Variants in NSMAF observed in about 807,000 individuals in gnomAD.
NSMAF encodes the protein neutral sphingomyelinase activation associated factor, also known as protein FAN.
In NSMAF, 90 loss-of-function variants were observed where a neutral mutation model predicts 134.9. The observed-to-expected ratio is 0.67, with a 90% CI of 0.56 to 0.79. NSMAF has a LOEUF of 0.79. Among genes scored for constraint, NSMAF ranks in the 30% least tolerant of loss-of-function variants. The pLI is 0.00. For synonymous variants in NSMAF, 358 were observed against 389.6 expected (o/e 0.92, Z 0.96); for missense variants, 1,010 against 1,119.0 (o/e 0.90, Z 1.39).
At chr8:58,654,305 G>A (rs1164484378) in intron 1 of NSMAF, among the ~76,000 whole-genome samples, 1 of 152,148 alleles carries the variant, frequency 6.6e-6, no homozygotes. Context: ...TTGAGTAAAA[G>A]AAAGTTGGGC....
rs138534625 is a variant in NSMAF, at chr8:58,620,486, A to T, written c.557+2734T>A. Among the ~76,000 whole-genome samples, 450 of 152,314 alleles carry T rather than the reference A, an allele frequency of 3.0e-3. 1 individual carries two copies. Among genetic ancestry groups the T allele is most frequent in the African/African-American group, 0.01 (435 of 41,554 alleles). On this transcript the variant is annotated intron_variant, in intron 9 of 30. Coordinates refer to ENST00000038176, the MANE Select transcript of NSMAF (RefSeq NM_003580.4). ...GGTGTTTAGGCTTTATCCTGAAGGC[A>T]CTGGGGATGGGGGCGTCTTGAAAAT...
In NSMAF at chr8:58,623,218, A is replaced by G; in HGVS notation, c.557+2T>C. On this transcript the variant is annotated splice_donor_variant, in intron 9 of 30. Transcript: ENST00000038176. LOFTEE classifies it high-confidence loss of function. The stretch of plus-strand genomic sequence containing the variant: ...AATTAGGAAAGATCATTAGAAACTT[A>G]CCTGTTTTTGTCAAATGATGTTCTA... The G allele has an allele frequency of 6.3e-7, 1 of 1,599,340 alleles. No individual in the cohort carries two copies. Among genetic ancestry groups the G allele is most frequent in the Non-Finnish European group, 8.6e-7 (1 of 1,168,360 alleles).
At chr8:58,608,082 A>G (rs1011955298) in intron 10 of NSMAF, among the ~76,000 whole-genome samples, 1 of 152,268 alleles carries the variant, frequency 6.6e-6, no homozygotes, top group Non-Finnish European at 1.5e-5. Context: ...ATGATAATGC[A>G]ATCATCTATC....
intron 27 of NSMAF, among the ~76,000 whole-genome samples, chr8:58,586,863 TA>T (rs983889340): frequency 6.6e-6 from 1 of 152,250 alleles, no homozygotes; most frequent in Non-Finnish European, 1.5e-5. Context: ...AATGCTGTTT[TA>T]AAATAGCTTA....
chr8:58,655,001 G>GTTT lies in NSMAF; in HGVS notation c.59+4569_59+4571dup, dbSNP rs541391006. Among the ~76,000 whole-genome samples, 825 of 147,348 alleles carry GTTT rather than the reference G, an allele frequency of 5.6e-3. 7 individuals are homozygous for GTTT. Among genetic ancestry groups the GTTT allele is most frequent in the African/African-American group, 0.019 (768 of 40,392 alleles). ...AGGTGTGTGCCACCACACCCGGCTAGTTTTTTTTTTTATTTTTAGTAGAGA... is the reference window on the plus strand; with the variant it reads ...AGGTGTGTGCCACCACACCCGGCTAGTTTTTTTTTTTTTTATTTTTAGTAGAGA... On this transcript the variant is annotated intron_variant, in intron 1 of 30. Coordinates refer to ENST00000038176, the MANE Select transcript of NSMAF (RefSeq NM_003580.4).
At chr8:58,618,827 G>T (rs1020083813) in intron 9 of NSMAF, among the ~76,000 whole-genome samples, 2 of 152,026 alleles carry the variant, frequency 1.3e-5, no homozygotes, top group Non-Finnish European at 2.9e-5. Flanking sequence ...TCAGAAATAC[G>T]ATGAAAGCTT....
chr8:58,643,145 G>T, intron 1 of NSMAF, 72 bp from the exon 2 acceptor site: 1 of 1,074,998 alleles, frequency 9.3e-7, no homozygotes, highest in Non-Finnish European at 1.4e-6. Flanking sequence ...TATTTAAAAC[G>T]TCTGATCCCA....
At chr8:58,606,683 T>C (rs951977072) in intron 11 of NSMAF, among the ~76,000 whole-genome samples, 3 of 152,190 alleles carry the variant, frequency 2.0e-5, no homozygotes, top group Admixed American at 6.5e-5. Flanking sequence ...ACCATAGTGT[T>C]AGTAAGGCTG....
At chr8:58,590,733 C>CTAAG in intron 24 of NSMAF, 134 bp downstream of exon 24, 4 of 924,198 alleles carry the variant, frequency 4.3e-6, no homozygotes, top group Non-Finnish European at 6.1e-6. Flanking sequence ...AGTAATCTAA[C>CTAAG]TAAGGTATCT....
At chr8:58,619,070 A>C (rs1394657632) in intron 9 of NSMAF, among the ~76,000 whole-genome samples, 1 of 152,182 alleles carries the variant, frequency 6.6e-6, no homozygotes. Flanking sequence ...AGGTCAGAAG[A>C]AGCTAATTCT....
chr8:58,620,922 C>T (rs971772305), intron 9 of NSMAF, among the ~76,000 whole-genome samples: 1 of 152,180 alleles, frequency 6.6e-6, no homozygotes, highest in African/African-American at 2.4e-5. Flanking sequence ...CAAGTTCCTA[C>T]TCTCAAAGAC....
Position 58,609,636 on chromosome 8 carries a change from T to G in NSMAF, c.655A>C (p.Asn219His), listed in dbSNP as rs751178906. ...NPGHVCITDT[N>H]LYFQPLNGYP... ...CCGTTGAGGGGCTGAAAATACAGGT[T>G]TGTGTCCGTGATGCACACGTGTCCA... The change falls in exon 10 of 31, where the codon AAC becomes CAC. Residue 219 changes from asparagine (N) to histidine (H), a missense_variant. Transcript: ENST00000038176. The G allele has an allele frequency of 7.4e-6, 12 of 1,614,056 alleles. No homozygotes were observed. Among genetic ancestry groups the G allele is most frequent in the Non-Finnish European group, 8.5e-6 (10 of 1,180,020 alleles).
In NSMAF at chr8:58,621,735, T is replaced by C. The variant is rs916312451; in HGVS notation, c.557+1485A>G. Among the ~76,000 whole-genome samples, 5 of 152,250 alleles carry C rather than the reference T, an allele frequency of 3.3e-5. 1 individual carries two copies. The highest frequency in any genetic ancestry group is 6.5e-5 in the Admixed American group (1 of 15,284). On this transcript the variant is annotated intron_variant, in intron 9 of 30. Transcript: ENST00000038176. Reference sequence around the variant, plus strand: ...TGATTTACATTTTTCTAATGATTAGTGGCATTGAGCATTTTTTCAGATTTT... The same window carrying C: ...TGATTTACATTTTTCTAATGATTAGCGGCATTGAGCATTTTTTCAGATTTT...
At chr8:58,659,382 A>G (rs1360783367) in intron 1 of NSMAF, 191 bp downstream of exon 1, 12 of 1,519,878 alleles carry the variant, frequency 7.9e-6, no homozygotes, top group East Asian at 2.7e-5. Flanking sequence ...GGCCCAGACC[A>G]GGCCCCCGGC....
Position 58,584,083 on chromosome 8 carries a change from A to T in NSMAF, c.*23T>A. Reference sequence around the variant, plus strand: ...AATGCATTAAATAGAGTTCAATTTAATATTCAGGAGAGGAAAAGGCACTTA... The same window carrying T: ...AATGCATTAAATAGAGTTCAATTTATTATTCAGGAGAGGAAAAGGCACTTA... On this transcript the variant is annotated 3_prime_UTR_variant, in exon 31 of 31. Transcript: ENST00000038176. 1 of 1,545,152 alleles carries T rather than the reference A, an allele frequency of 6.5e-7. No homozygotes were observed. Among genetic ancestry groups the T allele is most frequent in the Admixed American group, 1.7e-5 (1 of 59,866 alleles).
chr8:58,649,505 T>C (rs1188238022), intron 1 of NSMAF, among the ~76,000 whole-genome samples: 1 of 152,168 alleles, frequency 6.6e-6, no homozygotes, highest in South Asian at 2.1e-4. Flanking sequence ...CAGAATGATA[T>C]AGTTCGGATG....
intron 1 of NSMAF, among the ~76,000 whole-genome samples, chr8:58,651,046 T>C (rs933291574): frequency 1.3e-4 from 20 of 152,230 alleles, no homozygotes; most frequent in Admixed American, 1.0e-3. Context: ...CCCCTTCAGA[T>C]GTATACCTTC....
chr8:58,643,150 A>G, intron 1 of NSMAF, 77 bp from the exon 2 acceptor site: 2 of 1,048,600 alleles, frequency 1.9e-6, no homozygotes, highest in African/African-American at 1.6e-5. Context: ...AAAACGTCTG[A>G]TCCCAAAAAG....
At chr8:58,599,472 T>C (rs1806224044) in intron 18 of NSMAF, 109 bp from the exon 19 acceptor site, 3 of 1,220,184 alleles carry the variant, frequency 2.5e-6, no homozygotes, top group Non-Finnish European at 3.4e-6. Flanking sequence ...AAGAGGTCCA[T>C]ATTTCTTAAT....
Sources: allele counts gnomAD v4.1 joint callset (sites outside exome capture counted in the v4.1 genomes callset), GRCh38; gene constraint gnomAD v4.1.1; transcripts MANE v1.5; gene names NCBI Gene and HGNC (gene_info 2026-07-23, HGNC 2026-07-21).